Variants in DNAJC1 observed in about 807,000 individuals in gnomAD.
DNAJC1 encodes the protein DnaJ heat shock protein family (Hsp40) member C1, also known as dnaJ homolog subfamily C member 1.
DNAJC1 carries 58 observed loss-of-function variants against 76.6 expected under a neutral mutation model. The observed-to-expected ratio is 0.76, with a 90% CI of 0.61 to 0.94. The LOEUF is 0.94. DNAJC1 is among the 40% of genes least tolerant of loss of function. DNAJC1 has a pLI of 0.00. For synonymous variants in DNAJC1, 258 were observed against 267.9 expected, an observed-to-expected ratio of 0.96 and a Z score of 0.36; for missense variants, 689 against 677.3, an observed-to-expected ratio of 1.02 and a Z score of -0.19.
At chr10:21,934,953 A>G (rs1286208806) in intron 1 of DNAJC1, among the ~76,000 whole-genome samples, 4 of 152,208 alleles carry the variant, frequency 2.6e-5, no homozygotes, top group Non-Finnish European at 5.9e-5. Flanking sequence ...TGAACTTTAC[A>G]AAAGTGTCTA....
chr10:21,861,644 G>T (rs561052640), intron 8 of DNAJC1, among the ~76,000 whole-genome samples: 1 of 151,988 alleles, frequency 6.6e-6, no homozygotes, highest in Non-Finnish European at 1.5e-5. Context: ...CAGTAAAGCC[G>T]CCGGCCAAAA....
At chr10:21,840,144 C>T (rs538062003) in intron 8 of DNAJC1, among the ~76,000 whole-genome samples, 128 of 152,316 alleles carry the variant, frequency 8.4e-4, no homozygotes, top group African/African-American at 2.9e-3. Flanking sequence ...CAGCCAATAT[C>T]ATACCGAATG....
intron 11 of DNAJC1, 102 bp downstream of exon 11, chr10:21,759,068 G>C: frequency 8.7e-7 from 1 of 1,145,828 alleles, no homozygotes; most frequent in South Asian, 1.5e-5. Context: ...CGGGGCAGGT[G>C]TCAGTAGATA....
At chr10:21,781,522 C>T (rs1264558388) in intron 9 of DNAJC1, among the ~76,000 whole-genome samples, 1 of 151,972 alleles carries the variant, frequency 6.6e-6, no homozygotes, top group African/African-American at 2.4e-5. Flanking sequence ...GAGATCAAGA[C>T]CATCCTGGCT....
At chr10:21,806,730 A>C (rs1190233742) in intron 8 of DNAJC1, among the ~76,000 whole-genome samples, 2 of 152,114 alleles carry the variant, frequency 1.3e-5, no homozygotes, top group African/African-American at 4.8e-5. Flanking sequence ...TTCGGAACAG[A>C]AATAAAATTA....
At chr10:21,810,119 T>C (rs1363369240) in intron 8 of DNAJC1, among the ~76,000 whole-genome samples, 1 of 152,124 alleles carries the variant, frequency 6.6e-6, no homozygotes, top group Admixed American at 6.5e-5. Context: ...AGTTAGGGCT[T>C]CAACATGTGA....
At chr10:21,934,731 C>A (rs1837284652) in intron 1 of DNAJC1, among the ~76,000 whole-genome samples, 1 of 152,170 alleles carries the variant, frequency 6.6e-6, no homozygotes, top group Non-Finnish European at 1.5e-5. Context: ...GTAGGCTATA[C>A]CATCTAGATT....
intron 8 of DNAJC1, among the ~76,000 whole-genome samples, chr10:21,811,913 C>T (rs1480806028): frequency 6.6e-6 from 1 of 152,208 alleles, no homozygotes. Flanking sequence ...TGCTATTTTA[C>T]AGTCTACCCA....
At chr10:21,821,050 T>C (rs935450225) in intron 8 of DNAJC1, among the ~76,000 whole-genome samples, 18 of 152,158 alleles carry the variant, frequency 1.2e-4, no homozygotes, top group African/African-American at 4.1e-4. Context: ...CTTATACTAA[T>C]AGACTGAGTA....
chr10:21,783,276 A>G (rs536081065), intron 9 of DNAJC1, among the ~76,000 whole-genome samples: 3 of 152,346 alleles, frequency 2.0e-5, no homozygotes, highest in Admixed American at 6.5e-5. Flanking sequence ...CACAGAGCCA[A>G]ATCATGAGTG....
chr10:21,791,646 G>C (rs146422177), intron 9 of DNAJC1, among the ~76,000 whole-genome samples: 19 of 151,950 alleles, frequency 1.3e-4, no homozygotes, highest in Non-Finnish European at 2.4e-4. Context: ...CGACCAATTG[G>C]TCAATAAAAA....
chr10:21,847,453 T>C (rs1835678411), intron 8 of DNAJC1, among the ~76,000 whole-genome samples: 1 of 152,198 alleles, frequency 6.6e-6, no homozygotes, highest in South Asian at 2.1e-4. Context: ...ATATTCCAAA[T>C]CTTATCTTCT....
At chr10:21,983,022 T>C (rs551194430) in intron 1 of DNAJC1, among the ~76,000 whole-genome samples, 5 of 152,114 alleles carry the variant, frequency 3.3e-5, no homozygotes, top group African/African-American at 9.6e-5. Context: ...GCCACTCAAC[T>C]CCAGCCTGGG....
intron 8 of DNAJC1, among the ~76,000 whole-genome samples, chr10:21,861,538 T>G (rs1326837083): frequency 1.3e-5 from 2 of 152,080 alleles, no homozygotes; most frequent in Non-Finnish European, 2.9e-5. Flanking sequence ...TGGGCTGCAT[T>G]CCCAGACAGT....
chr10:22,003,150 A>G, intron 1 of DNAJC1, 63 bp downstream of exon 1: 1 of 1,404,336 alleles, frequency 7.1e-7, no homozygotes, highest in South Asian at 1.6e-5. Flanking sequence ...TCTCTGAGGA[A>G]CCGGGTCGCC....
chr10:21,773,255 T>C (rs1281555484), intron 9 of DNAJC1, among the ~76,000 whole-genome samples: 2 of 152,220 alleles, frequency 1.3e-5, no homozygotes, highest in African/African-American at 2.4e-5. Context: ...CTTTATTACA[T>C]AGGCATTTAT....
At chr10:21,796,680 T>G (rs551460120) in intron 9 of DNAJC1, among the ~76,000 whole-genome samples, 10 of 152,186 alleles carry the variant, frequency 6.6e-5, no homozygotes, top group Admixed American at 6.5e-4. Flanking sequence ...TCATTTTGAT[T>G]TCTATTTCCC....
intron 7 of DNAJC1, among the ~76,000 whole-genome samples, chr10:21,902,989 G>A (rs185190810): frequency 9.2e-5 from 14 of 152,042 alleles, no homozygotes; most frequent in Non-Finnish European, 1.0e-4. Context: ...GTGCCATGGC[G>A]TGATCTTGGC....
intron 8 of DNAJC1, among the ~76,000 whole-genome samples, chr10:21,827,316 T>G (rs912811227): frequency 2.0e-5 from 3 of 152,196 alleles, no homozygotes; most frequent in South Asian, 2.1e-4. Flanking sequence ...GTTTCCAAGA[T>G]TTACCCATAT....
Sources: allele counts gnomAD v4.1 joint callset (sites outside exome capture counted in the v4.1 genomes callset), GRCh38; gene constraint gnomAD v4.1.1; transcripts MANE v1.5; gene names NCBI Gene and HGNC (gene_info 2026-07-23, HGNC 2026-07-21).